The following UBR3 variants were observed in gnomAD, a reference collection of about 807,000 sequenced individuals.
UBR3 encodes the protein E3 ubiquitin-protein ligase UBR3.
Under a neutral mutation model 243.2 loss-of-function variants are expected in UBR3, and 85 were observed. That is an observed-to-expected ratio of 0.35 (90% CI 0.29 to 0.42). The LOEUF (loss-of-function observed/expected upper bound fraction) is 0.42. Ranked by LOEUF, UBR3 falls within the 10% of genes least tolerant of loss-of-function variation. The pLI, the probability that UBR3 is intolerant of heterozygous loss-of-function variation, is 1.00. For synonymous variants in UBR3, 748 were observed against 799.8 expected (o/e 0.94, Z 1.09); for missense variants, 1,686 against 2,300.8 (o/e 0.73, Z 5.47).
intron 1 of UBR3, among the ~76,000 whole-genome samples, chr2:169,843,964 A>G (rs73022475): frequency 0.043 from 6,531 of 151,180 alleles, 163 homozygotes; most frequent in Middle Eastern, 0.068. Context: ...CATTTGTTGA[A>G]TAAGGTTTTA....
At chr2:169,948,188 A>G (rs1431394161) in intron 22 of UBR3, among the ~76,000 whole-genome samples, 2 of 151,824 alleles carry the variant, frequency 1.3e-5, no homozygotes, top group African/African-American at 2.4e-5. Flanking sequence ...TTAGTGTTCG[A>G]AGTATTTTGG....
intron 35 of UBR3, among the ~76,000 whole-genome samples, chr2:170,068,292 A>C (rs2091622035): frequency 6.6e-6 from 1 of 152,032 alleles, no homozygotes; most frequent in African/African-American, 2.4e-5. Flanking sequence ...AATATGGTAA[A>C]ACCCCGTCTC....
intron 35 of UBR3, among the ~76,000 whole-genome samples, chr2:170,066,517 C>CA (rs1434632863): frequency 6.6e-6 from 1 of 151,784 alleles, no homozygotes; most frequent in South Asian, 2.1e-4. Context: ...ATCTAGCCCC[C>CA]CCACCTCCAT....
intron 32 of UBR3, among the ~76,000 whole-genome samples, chr2:170,053,022 G>T (rs1379114406): frequency 6.6e-6 from 1 of 152,114 alleles, no homozygotes; most frequent in African/African-American, 2.4e-5. Context: ...GATCATTCTG[G>T]CTGGAATAAG....
chr2:169,860,818 G>A (rs1357151684), intron 1 of UBR3, among the ~76,000 whole-genome samples: 1 of 152,124 alleles, frequency 6.6e-6, no homozygotes, highest in African/African-American at 2.4e-5. Flanking sequence ...AAAGTCCCAC[G>A]ATAGGTCATC....
At chr2:169,890,540 G>GATATATATATATATGTATATATATAT (rs2084297862) in intron 5 of UBR3, among the ~76,000 whole-genome samples, 1 of 76,020 alleles carries the variant, frequency 1.3e-5, no homozygotes, top group Non-Finnish European at 2.3e-5. Flanking sequence ...GAGAGAGAGA[G>GATATATATATATATGTATATATATAT]ATATATATAT....
intron 1 of UBR3, among the ~76,000 whole-genome samples, chr2:169,860,744 A>G (rs998728996): frequency 2.6e-5 from 4 of 152,204 alleles, no homozygotes; most frequent in African/African-American, 9.7e-5. Context: ...GACAGAACTA[A>G]TAGGATATAT....
intron 23 of UBR3, among the ~76,000 whole-genome samples, chr2:169,956,202 A>T (rs1359763483): frequency 1.7e-5 from 1 of 57,962 alleles, no homozygotes; most frequent in Non-Finnish European, 4.6e-5. Flanking sequence ...TGACACCTAT[A>T]ACTCTCTCTC....
At chr2:169,891,294 T>A in intron 6 of UBR3, 63 bp downstream of exon 6, 3 of 1,259,460 alleles carry the variant, frequency 2.4e-6, no homozygotes, top group Non-Finnish European at 1.1e-6. Context: ...GCCTAATCAC[T>A]AAAAATACTT....
chr2:169,978,025 G>C (rs944927675), intron 24 of UBR3, among the ~76,000 whole-genome samples: 20 of 152,068 alleles, frequency 1.3e-4, no homozygotes, highest in African/African-American at 4.8e-4. Context: ...TCTGTTTCTG[G>C]GTGGGTATAG....
chr2:169,865,707 A>G (rs2083235406), intron 1 of UBR3, among the ~76,000 whole-genome samples: 1 of 152,064 alleles, frequency 6.6e-6, no homozygotes, highest in African/African-American at 2.4e-5. Flanking sequence ...TTTCATGCCC[A>G]ATTATGTTTT....
At chr2:169,942,471 T>C (rs2086631488) in intron 19 of UBR3, 22 bp from the exon 20 acceptor site, 5 of 1,528,024 alleles carry the variant, frequency 3.3e-6, no homozygotes, top group Non-Finnish European at 4.4e-6. Flanking sequence ...CATCTAATTC[T>C]AGTTTTGTTT....
intron 1 of UBR3, among the ~76,000 whole-genome samples, chr2:169,871,288 C>T (rs985192324): frequency 6.6e-6 from 1 of 151,038 alleles, no homozygotes; most frequent in African/African-American, 2.4e-5. Flanking sequence ...CCTGTCTCTA[C>T]AAAAAGTAAA....
At chr2:169,918,763 G>A (rs188368797) in intron 11 of UBR3, among the ~76,000 whole-genome samples, 275 of 152,304 alleles carry the variant, frequency 1.8e-3, no homozygotes, top group African/African-American at 6.3e-3. Context: ...TGAGTTTGTA[G>A]CAGGGTGGGT....
intron 24 of UBR3, among the ~76,000 whole-genome samples, chr2:169,967,426 A>G (rs2087873709): frequency 6.6e-6 from 1 of 152,044 alleles, no homozygotes; most frequent in Admixed American, 6.6e-5. Context: ...TTTTATTTTT[A>G]AAAAACAGAG....
In UBR3 at chr2:170,083,485, C is replaced by G. The variant is rs2105465202; in HGVS notation, c.*1642C>G. ...TTTTTTAAATACTGTATCATAAGTT[C>G]AGCCTGTCATACTTTTTGCATTGAT... On this transcript the variant is annotated 3_prime_UTR_variant, in exon 39 of 39. Coordinates refer to ENST00000272793, the MANE Select transcript of UBR3 (RefSeq NM_172070.4). The G allele has an allele frequency of 6.6e-6, 1 of 152,630 alleles. No homozygotes were observed. Among genetic ancestry groups the G allele is most frequent in the Admixed American group, 6.5e-5 (1 of 15,288 alleles). 9.5% of individuals were successfully genotyped at this position (152,630 alleles called of 1,614,324 possible).
At chr2:170,024,622 T>A (rs965865284) in intron 30 of UBR3, among the ~76,000 whole-genome samples, 1 of 152,146 alleles carries the variant, frequency 6.6e-6, no homozygotes, top group Non-Finnish European at 1.5e-5. Flanking sequence ...TTATAGAGTT[T>A]TTTTATGTAA....
intron 5 of UBR3, among the ~76,000 whole-genome samples, chr2:169,881,262 C>T (rs1314389312): frequency 6.6e-6 from 1 of 151,664 alleles, no homozygotes; most frequent in Non-Finnish European, 1.5e-5. Flanking sequence ...TCACTGCAAC[C>T]TCCACCTCCC....
At chr2:169,904,635 TTGA>T (rs1176434038) in intron 8 of UBR3, among the ~76,000 whole-genome samples, 4 of 152,168 alleles carry the variant, frequency 2.6e-5, no homozygotes, top group Non-Finnish European at 2.9e-5. Context: ...AAAGATTGTA[TTGA>T]TGTATTTTTT....
Sources: gnomAD v4.1 joint callset for allele counts (sites outside exome capture counted in the v4.1 genomes callset) on GRCh38, gnomAD v4.1.1 for gene constraint, MANE v1.5 for transcripts, NCBI Gene and HGNC (gene_info 2026-07-23, HGNC 2026-07-21) for gene names.